Variants in PRMT3 observed in about 807,000 individuals in gnomAD.
PRMT3 encodes protein arginine N-methyltransferase 3.
PRMT3 carries 62 observed loss-of-function variants against 71.9 expected under a neutral mutation model. That is an observed-to-expected ratio of 0.86 (90% confidence interval 0.70 to 1.07). The LOEUF is 1.07. PRMT3 is among the 50% of genes least tolerant of loss of function. The pLI is 0.00. For synonymous variants in PRMT3, 213 were observed against 220.4 expected, an observed-to-expected ratio of 0.97 and a Z score of 0.30; for missense variants, 663 against 643.0, an observed-to-expected ratio of 1.03 and a Z score of -0.34.
chr11:20,471,165 TTGTCTGTTCATTC>T (rs1850636070), intron 13 of PRMT3, among the ~76,000 whole-genome samples: 1 of 152,160 alleles, frequency 6.6e-6, no homozygotes, highest in African/African-American at 2.4e-5. Flanking sequence ...ATTCTGTAGG[TTGTCTGTTCATTC>T]TGATGATAGT....
Position 20,493,986 on chromosome 11 carries a change from A to G in PRMT3, c.1398+17A>G. 1 of 1,546,510 alleles carries G rather than the reference A, an allele frequency of 6.5e-7. No homozygotes were observed. The highest frequency in any genetic ancestry group is 8.9e-7 in the Non-Finnish European group (1 of 1,124,926). On this transcript the variant is annotated intron_variant, in intron 14 of 15. Transcript: ENST00000331079. ...CACAACAGGGTAAGTATCATGAATT[A>G]TCTCATAAGAATTAATTATTACAGA...
At chr11:20,437,437 A>G (rs1310046898) in intron 10 of PRMT3, among the ~76,000 whole-genome samples, 1 of 152,116 alleles carries the variant, frequency 6.6e-6, no homozygotes, top group Non-Finnish European at 1.5e-5. Flanking sequence ...TTAGTGTTCC[A>G]GTTGGGAATG....
At chr11:20,414,278 A>T (rs115580440) in intron 9 of PRMT3, among the ~76,000 whole-genome samples, 1 of 152,138 alleles carries the variant, frequency 6.6e-6, no homozygotes, top group Non-Finnish European at 1.5e-5. Context: ...TTAGAATTGG[A>T]TACATTTTGG....
At position 20,508,376 on chromosome 11, in the gene PRMT3, C is replaced by T. The variant is rs200201326; in HGVS notation, c.1559C>T (p.Thr520Met). Residue 520 changes from threonine (T) to methionine (M), a missense_variant, in exon 16 of 16, where the codon ACG (threonine) becomes ATG (methionine). Transcript: ENST00000331079. Reference sequence around the variant, plus strand: ...CCACGTTCTCTCACCGTGACCCTCACGTTGAATAATTCAACTCAAACTTAT... The same window carrying T: ...CCACGTTCTCTCACCGTGACCCTCATGTTGAATAATTCAACTCAAACTTAT... ...KDPRSLTVTL[T>M]LNNSTQTYGL... The T allele has an allele frequency of 1.2e-5, 19 of 1,610,008 alleles. No homozygotes were observed. Among genetic ancestry groups the T allele is most frequent in the South Asian group, 2.2e-5 (2 of 90,994 alleles).
chr11:20,482,282 A>G (rs568587123), intron 13 of PRMT3, among the ~76,000 whole-genome samples: 3 of 146,190 alleles, frequency 2.1e-5, no homozygotes, highest in Non-Finnish European at 4.4e-5. Context: ...GAGTGATATT[A>G]TAAAAGGATT....
At chr11:20,462,689 A>AT (rs1850413596) in intron 12 of PRMT3, among the ~76,000 whole-genome samples, 1 of 151,988 alleles carries the variant, frequency 6.6e-6, no homozygotes, top group South Asian at 2.1e-4. Context: ...TTGTCATCTT[A>AT]TTTTTTGCCA....
At chr11:20,467,175 A>G (rs1162969917) in intron 13 of PRMT3, among the ~76,000 whole-genome samples, 1 of 152,208 alleles carries the variant, frequency 6.6e-6, no homozygotes, top group Non-Finnish European at 1.5e-5. Flanking sequence ...AAAATATTTT[A>G]GTAGTTAGCA....
At chr11:20,466,790 G>A (rs1196309895) in intron 13 of PRMT3, among the ~76,000 whole-genome samples, 1 of 151,966 alleles carries the variant, frequency 6.6e-6, no homozygotes, top group African/African-American at 2.4e-5. Flanking sequence ...GAAAAAAATT[G>A]GTAAAGTCTA....
chr11:20,409,129 G>T (rs1365660097), intron 9 of PRMT3, among the ~76,000 whole-genome samples: 3 of 151,918 alleles, frequency 2.0e-5, no homozygotes, highest in African/African-American at 7.3e-5. Context: ...ATTAATGTTG[G>T]TCTTTTCTGA....
chr11:20,500,566 A>G (rs917530683), intron 15 of PRMT3, among the ~76,000 whole-genome samples: 1 of 152,222 alleles, frequency 6.6e-6, no homozygotes. Context: ...AGTATAACAA[A>G]TAATCCAGAA....
rs1261702310 is a variant in PRMT3 at position 20,388,137 on chromosome 11, C to T, written c.147C>T (p.Pro49=). 1.1e-5 allele frequency: 17 copies of T among 1,613,862 alleles called. No individual in the cohort carries two copies. Among genetic ancestry groups the T allele is most frequent in the Non-Finnish European group, 1.4e-5 (16 of 1,180,002 alleles). Residue 49 remains proline (P), a synonymous_variant, in exon 2 of 16, where the codon CCC becomes CCT. Transcript: ENST00000331079. ...ADLPHGKQQT[P]CLFCNRLFTS... is the part of the protein sequence containing the mutation. ...TCCCCCACGGCAAGCAGCAGACCCCCTGCCTGTTCTGTAACAGGTTCGTCC... is the reference window on the plus strand; with the variant it reads ...TCCCCCACGGCAAGCAGCAGACCCCTTGCCTGTTCTGTAACAGGTTCGTCC...
At chr11:20,396,632 T>C (rs1039540579) in intron 6 of PRMT3, among the ~76,000 whole-genome samples, 1 of 151,514 alleles carries the variant, frequency 6.6e-6, no homozygotes, top group African/African-American at 2.4e-5. Context: ...AGCAAGACTT[T>C]GTCGGGGTGG....
chr11:20,478,003 C>A (rs549558951), intron 13 of PRMT3, among the ~76,000 whole-genome samples: 15 of 152,306 alleles, frequency 9.8e-5, no homozygotes, highest in Admixed American at 1.3e-4. Flanking sequence ...GTGACTGTGG[C>A]ATTTTTGCTA....
At chr11:20,470,881 T>C (rs1256123506) in intron 13 of PRMT3, among the ~76,000 whole-genome samples, 2 of 152,166 alleles carry the variant, frequency 1.3e-5, no homozygotes, top group Admixed American at 1.3e-4. Context: ...CGTTCCTCCT[T>C]CTCCACAACC....
At position 20,403,002 on chromosome 11, in the gene PRMT3, T is replaced by A; in HGVS notation, c.771+18T>A. On this transcript the variant is annotated intron_variant, in intron 8 of 15. Transcript: ENST00000331079. ...AAGACAAGGTAAGTAGTATAGGTTATAGAATTATACATTTCATCTTGTTCT... is the reference window on the plus strand; with the variant it reads ...AAGACAAGGTAAGTAGTATAGGTTAAAGAATTATACATTTCATCTTGTTCT... The A allele has an allele frequency of 6.6e-7, 1 of 1,526,374 alleles. No individual in the cohort carries two copies. Among genetic ancestry groups the A allele is most frequent in the African/African-American group, 1.4e-5 (1 of 73,040 alleles). The allele number at this position is 1,526,374 out of a possible 1,614,324, so 94.6% of individuals were successfully genotyped here. A position where few individuals can be genotyped will look rare whatever the true frequency, so the allele number is the denominator to read the frequency against.
chr11:20,398,723 T>TA (rs1848886230), intron 7 of PRMT3, among the ~76,000 whole-genome samples: 1 of 152,226 alleles, frequency 6.6e-6, no homozygotes, highest in African/African-American at 2.4e-5. Context: ...ACCACTGTGT[T>TA]ACAGTTGCCT....
rs1431986675 is a variant in PRMT3 at position 20,392,255 on chromosome 11, C to T, written c.292C>T (p.Leu98Phe). The change falls in exon 4 of 16, where the codon CTT becomes TTT. Residue 98 changes from leucine to phenylalanine, a missense_variant. Coordinates refer to ENST00000331079, the MANE Select transcript of PRMT3 (RefSeq NM_005788.4). The stretch of plus-strand genomic sequence containing the variant: ...CATTAAGCTAATAAATTTTATTAGA[C>T]TTAAGGTAAGTTGACAGCTTAATTT... ...GYIKLINFIR[L>F]KNPTVEYMNS... The T allele has an allele frequency of 5.8e-6, 9 of 1,561,842 alleles. No individual in the cohort carries two copies. The highest frequency in any genetic ancestry group is 7.9e-6 in the Non-Finnish European group (9 of 1,145,896).
intron 10 of PRMT3, among the ~76,000 whole-genome samples, chr11:20,427,079 T>C (rs1191367004): frequency 6.6e-6 from 1 of 152,214 alleles, no homozygotes; most frequent in Non-Finnish European, 1.5e-5. Flanking sequence ...TTATTGGCTA[T>C]TCATAATCTT....
chr11:20,492,996 T>C (rs1851244919), intron 13 of PRMT3, among the ~76,000 whole-genome samples: 1 of 151,898 alleles, frequency 6.6e-6, no homozygotes, highest in Non-Finnish European at 1.5e-5. Flanking sequence ...ACTAAAAATA[T>C]AAAAGCCAGG....
Sources: gnomAD v4.1 joint callset for allele counts (sites outside exome capture counted in the v4.1 genomes callset) on GRCh38, gnomAD v4.1.1 for gene constraint, MANE v1.5 for transcripts, NCBI Gene and HGNC (gene_info 2026-07-23, HGNC 2026-07-21) for gene names.